UNC79: variants seen among roughly 807,000 people sequenced by gnomAD.
UNC79 encodes protein unc-79 homolog.
In UNC79, 37 loss-of-function variants were observed where a neutral mutation model predicts 283.1. The ratio of observed to expected loss-of-function variants is 0.13; its 90% CI spans 0.10 to 0.17. The LOEUF is 0.17. Ranked by LOEUF, UNC79 falls within the 10% of genes least tolerant of loss-of-function variation. The pLI is 1.00. For missense variants in UNC79, 2,272 were observed against 3,211.1 expected (o/e 0.71, Z 7.07); for synonymous variants, 1,107 against 1,200.2 (o/e 0.92, Z 1.61).
chr14:93,421,151 C>A (rs2055590841), intron 1 of UNC79, among the ~76,000 whole-genome samples: 1 of 151,110 alleles, frequency 6.6e-6, no homozygotes, highest in Admixed American at 6.6e-5. Flanking sequence ...ACATAAAAAT[C>A]AATGAAACAA....
intron 26 of UNC79, 67 bp downstream of exon 27, chr14:93,605,028 C>A (rs745704350): frequency 2.0e-6 from 3 of 1,484,624 alleles, no homozygotes; most frequent in Non-Finnish European, 2.7e-6. Flanking sequence ...GTAGAGAATG[C>A]GGTGTCTCTA....
At chr14:93,529,608 T>C (rs2060710994) in intron 10 of UNC79, among the ~76,000 whole-genome samples, 3 of 152,208 alleles carry the variant, frequency 2.0e-5, no homozygotes, top group Admixed American at 6.5e-5. Flanking sequence ...TCAGGGATTT[T>C]CTGTATCTGT....
chr14:93,634,665 A>G (rs2068355351), intron 31 of UNC79, 28 bp downstream of exon 34: 1 of 1,571,316 alleles, frequency 6.4e-7, no homozygotes, highest in Admixed American at 1.7e-5. Flanking sequence ...TTCTCATTCT[A>G]CCTCTCGGAT....
chr14:93,408,182 A>G (rs1409954702), intron 1 of UNC79, among the ~76,000 whole-genome samples: 1 of 152,206 alleles, frequency 6.6e-6, no homozygotes, highest in African/African-American at 2.4e-5. Flanking sequence ...TAAAATAACT[A>G]TGATTAATAT....
intron 1 of UNC79, among the ~76,000 whole-genome samples, chr14:93,453,386 A>G (rs944013050): frequency 1.3e-5 from 2 of 152,212 alleles, no homozygotes; most frequent in Admixed American, 6.5e-5. Flanking sequence ...ATTTTCACCA[A>G]ATAATTCCTC....
chr14:93,533,607 G>T (rs927216730), intron 11 of UNC79, among the ~76,000 whole-genome samples: 4 of 152,154 alleles, frequency 2.6e-5, no homozygotes, highest in African/African-American at 4.8e-5. Context: ...CAGGGGCTAG[G>T]CTGGACTTGT....
chr14:93,457,939 A>G (rs576290231), intron 1 of UNC79, among the ~76,000 whole-genome samples: 2 of 152,362 alleles, frequency 1.3e-5, no homozygotes, highest in South Asian at 4.1e-4. Context: ...ATGCAGTGGC[A>G]GGTAATTGAG....
At chr14:93,355,717 C>A (rs760761808) in intron 1 of UNC79, among the ~76,000 whole-genome samples, 1 of 152,256 alleles carries the variant, frequency 6.6e-6, no homozygotes. Context: ...CTCTTAACAA[C>A]TCTTAACTGT....
intron 41 of UNC79, among the ~76,000 whole-genome samples, chr14:93,680,347 G>C (rs2140795011): frequency 6.6e-6 from 1 of 152,208 alleles, no homozygotes; most frequent in East Asian, 1.9e-4. Context: ...GGCCCATCCA[G>C]GCCATGCAAA....
chr14:93,451,391 A>G (rs2056637112), intron 1 of UNC79, among the ~76,000 whole-genome samples: 1 of 152,224 alleles, frequency 6.6e-6, no homozygotes, highest in South Asian at 2.1e-4. Context: ...AGAGGCTTCT[A>G]GTCTCCAGCC....
At chr14:93,343,755 C>T (rs1054568951) in intron 1 of UNC79, among the ~76,000 whole-genome samples, 3 of 150,810 alleles carry the variant, frequency 2.0e-5, no homozygotes, top group East Asian at 1.9e-4. Flanking sequence ...GGTAAGTGGG[C>T]GAGGGTGTCT....
intron 29 of UNC79, among the ~76,000 whole-genome samples, chr14:93,619,742 A>G (rs1168280558): frequency 6.6e-6 from 1 of 152,226 alleles, no homozygotes; most frequent in Non-Finnish European, 1.5e-5. Flanking sequence ...AACTTGATGT[A>G]TATACTGCCC....
chr14:93,575,051 TCCCTAGG>T lies in UNC79; in HGVS notation c.2071-6_2071del, dbSNP rs1595914808. 3.8e-6 allele frequency: 6 copies of T among 1,593,942 alleles called. No homozygotes were observed. The highest frequency in any genetic ancestry group is 3.6e-5 in the Admixed American group (2 of 54,898). On this transcript the variant is annotated splice_acceptor_variant and splice_polypyrimidine_tract_variant and coding_sequence_variant and intron_variant, in exon 17 of 49. Transcript: ENST00000555664. LOFTEE classifies it high-confidence loss of function. Reference sequence around the variant, plus strand: ...TTTTTTGGGGGATATATGCCTTTTTTCCCTAGGTATTATCGGAGTTAGATATCATGGT... The same window carrying T: ...TTTTTTGGGGGATATATGCCTTTTTTTATTATCGGAGTTAGATATCATGGT...
exon 43 of UNC79, chr14:93,686,614 G>C (rs780102352): frequency 6.2e-7 from 1 of 1,614,160 alleles, no homozygotes; most frequent in Non-Finnish European, 8.5e-7. Context: ...GTACATCAAC[G>C]AAGTGCTGGA....
chr14:93,404,558 A>G (rs2055187898), intron 1 of UNC79, among the ~76,000 whole-genome samples: 3 of 139,286 alleles, frequency 2.2e-5, no homozygotes, highest in South Asian at 2.2e-4. Context: ...TATATATGTA[A>G]TCAGTAAAAC....
At chr14:93,367,213 A>T (rs1014079897) in intron 1 of UNC79, among the ~76,000 whole-genome samples, 5 of 152,254 alleles carry the variant, frequency 3.3e-5, no homozygotes, top group African/African-American at 1.2e-4. Context: ...TAAAAAAAGA[A>T]ATCTAAGGAC....
At chr14:93,455,627 G>A (rs1335454452) in intron 1 of UNC79, among the ~76,000 whole-genome samples, 7 of 152,128 alleles carry the variant, frequency 4.6e-5, no homozygotes, top group Non-Finnish European at 1.0e-4. Flanking sequence ...AGGAGAAGAA[G>A]AGAAACTCAC....
At chr14:93,347,706 G>A (rs1385853513) in intron 1 of UNC79, among the ~76,000 whole-genome samples, 1 of 152,130 alleles carries the variant, frequency 6.6e-6, no homozygotes, top group Admixed American at 6.6e-5. Flanking sequence ...CTGTGGTTTC[G>A]CGGAGGAATG....
intron 2 of UNC79, among the ~76,000 whole-genome samples, chr14:93,469,207 G>C (rs1291003823): frequency 6.6e-6 from 1 of 152,156 alleles, no homozygotes; most frequent in East Asian, 1.9e-4. Flanking sequence ...ACGTTTGCAA[G>C]ACGTAAAGAT....
Sources: allele counts gnomAD v4.1 joint callset (sites outside exome capture counted in the v4.1 genomes callset), GRCh38; gene constraint gnomAD v4.1.1; transcripts MANE v1.5; gene names NCBI Gene and HGNC (gene_info 2026-07-23, HGNC 2026-07-21).